Variants in RIMS1 observed in about 807,000 individuals in gnomAD.
RIMS1 encodes the protein regulating synaptic membrane exocytosis protein 1.
Under a neutral mutation model 214.1 loss-of-function variants are expected in RIMS1, and 83 were observed. The observed-to-expected ratio is 0.39, with a 90% confidence interval of 0.32 to 0.47. The LOEUF (loss-of-function observed/expected upper bound fraction) is 0.47, where lower values mean the gene tolerates loss of function less well. Ranked by LOEUF, RIMS1 falls within the 20% of genes least tolerant of loss-of-function variation. The probability of loss-of-function intolerance (pLI) is 0.99; values close to 1 mark genes in which losing one functional copy is unlikely to be tolerated. For missense variants in RIMS1, 2,050 were observed against 2,161.8 expected, an observed-to-expected ratio of 0.95 and a Z score of 1.03; for synonymous variants, 793 against 786.8, an observed-to-expected ratio of 1.01 and a Z score of -0.13.
At chr6:72,258,927 T>A in intron 17 of RIMS1, 59 bp from the exon 18 acceptor site, 3 of 1,534,558 alleles carry the variant, frequency 2.0e-6, no homozygotes, top group Non-Finnish European at 2.7e-6. Flanking sequence ...CTTTAGTCTG[T>A]CTGCCTGTTT....
In RIMS1 at chr6:72,291,951, G is replaced by A. The variant is rs1270038692; in HGVS notation, c.3755G>A (p.Ser1252Asn). 1.9e-5 allele frequency: 29 copies of A among 1,560,202 alleles called. No homozygotes were observed. The highest frequency in any genetic ancestry group is 2.5e-5 in the Non-Finnish European group (29 of 1,152,240). Residue 1252 changes from serine to asparagine, a missense_variant, in exon 26 of 34, where the codon AGT becomes AAT. Ser to Asn is a conservative substitution (Grantham distance 46). Around this residue, in one of 6 missense-constraint regions of RIMS1, gnomAD observed 889 missense variants for 885.5 expected, o/e 1.00. Coordinates refer to ENST00000521978, the MANE Select transcript of RIMS1 (RefSeq NM_014989.7). ...PLLTRMHRQR[S>N]PTQSPPADTS... ...GCCTGCAGAATGCACCGACAGAGAA[G>A]TCCAACACAATCTCCTCCAGCAGAC...
At chr6:72,051,362 GA>G (rs1368578456) in intron 2 of RIMS1, among the ~76,000 whole-genome samples, 5 of 152,184 alleles carry the variant, frequency 3.3e-5, no homozygotes, top group Admixed American at 1.3e-4. Flanking sequence ...TAGTAATAGT[GA>G]ACGTTTACTA....
chr6:72,040,257 A>G (rs1295805438), intron 2 of RIMS1, among the ~76,000 whole-genome samples: 1 of 152,000 alleles, frequency 6.6e-6, no homozygotes, highest in Non-Finnish European at 1.5e-5. Flanking sequence ...ATTCCCCTGG[A>G]AGACTAGTGA....
intron 1 of RIMS1, among the ~76,000 whole-genome samples, chr6:71,916,367 A>G (rs1361610605): frequency 6.6e-6 from 1 of 152,082 alleles, no homozygotes; most frequent in Admixed American, 6.6e-5. Context: ...GCTGTTTCCA[A>G]TGTTACAGAG....
intron 1 of RIMS1, among the ~76,000 whole-genome samples, chr6:71,951,589 C>G (rs1452590026): frequency 6.7e-6 from 1 of 150,160 alleles, no homozygotes; most frequent in African/African-American, 2.5e-5. Context: ...CTTCTGGGCT[C>G]AAAGGATCCT....
intron 1 of RIMS1, among the ~76,000 whole-genome samples, chr6:71,965,028 G>T (rs1794044134): frequency 6.6e-6 from 1 of 152,052 alleles, no homozygotes. Flanking sequence ...TATCTTAACT[G>T]CTCCTAAGGT....
At chr6:71,953,281 G>A (rs1028524019) in intron 1 of RIMS1, among the ~76,000 whole-genome samples, 3 of 152,188 alleles carry the variant, frequency 2.0e-5, no homozygotes, top group East Asian at 3.9e-4. Context: ...GAGCCACCTC[G>A]CCCGGTCAAG....
At chr6:72,041,720 A>G (rs1459919962) in intron 2 of RIMS1, among the ~76,000 whole-genome samples, 1 of 151,918 alleles carries the variant, frequency 6.6e-6, no homozygotes, top group Non-Finnish European at 1.5e-5. Flanking sequence ...GGGAGTATGG[A>G]CCCCTAGCAT....
chr6:71,913,001 T>A (rs1777376174), intron 1 of RIMS1, among the ~76,000 whole-genome samples: 1 of 152,130 alleles, frequency 6.6e-6, no homozygotes, highest in Admixed American at 6.6e-5. Flanking sequence ...AACAATTGAA[T>A]CTAATCAGGT....
intron 2 of RIMS1, among the ~76,000 whole-genome samples, chr6:72,064,683 A>G (rs779801591): frequency 1.3e-4 from 13 of 97,312 alleles, no homozygotes; most frequent in East Asian, 6.1e-4. Flanking sequence ...TTTCATTTCT[A>G]TGATGATGAA....
At position 72,213,127 on chromosome 6, in the gene RIMS1, G is replaced by A. The variant is rs2054139884; in HGVS notation, c.1679-20646G>A. The stretch of plus-strand genomic sequence containing the variant: ...TTTATTTCCAAGTTTGCTGTCATGT[G>A]TGCACCTGGGATTCATGTCTCTTCA... On this transcript the variant is annotated intron_variant, in intron 6 of 33. Coordinates refer to ENST00000521978, the MANE Select transcript of RIMS1 (RefSeq NM_014989.7). 6 of 1,536,992 alleles carry A rather than the reference G, an allele frequency of 3.9e-6. No homozygotes were observed. The East Asian group carries it at 1.5e-4, about 38-fold the overall frequency.
chr6:71,929,059 G>A (rs1057326088), intron 1 of RIMS1, among the ~76,000 whole-genome samples: 1 of 152,074 alleles, frequency 6.6e-6, no homozygotes, highest in African/African-American at 2.4e-5. Context: ...GTTAGTGAAA[G>A]TAAAGAGAGA....
At chr6:72,203,635 A>G (rs1055591825) in intron 6 of RIMS1, among the ~76,000 whole-genome samples, 1 of 152,198 alleles carries the variant, frequency 6.6e-6, no homozygotes, top group Non-Finnish European at 1.5e-5. Context: ...TGTACTTTTA[A>G]AATTATCTGA....
rs1317977735 is a variant in RIMS1 at position 71,995,428 on chromosome 6, G to T, written c.245+26365G>T. ...GCAAGCTGTTCTGTCTCTGGTTTCTGATTATTTTAATCTGTAATATGACGT... is the reference window on the plus strand; with the variant it reads ...GCAAGCTGTTCTGTCTCTGGTTTCTTATTATTTTAATCTGTAATATGACGT... On this transcript the variant is annotated intron_variant, in intron 2 of 33. Transcript: ENST00000521978. 2.7e-5 allele frequency among the ~76,000 whole-genome samples: 4 copies of T among 148,422 alleles called. No homozygotes were observed. In the South Asian group the frequency reaches 8.5e-4, roughly 32 times the overall value.
intron 4 of RIMS1, among the ~76,000 whole-genome samples, chr6:72,114,847 A>G (rs1043735711): frequency 6.6e-6 from 1 of 151,870 alleles, no homozygotes; most frequent in African/African-American, 2.4e-5. Context: ...CAAACCTATG[A>G]TCTCTGGCTT....
intron 6 of RIMS1, among the ~76,000 whole-genome samples, chr6:72,207,989 G>A (rs1242467877): frequency 6.6e-6 from 1 of 152,122 alleles, no homozygotes; most frequent in Non-Finnish European, 1.5e-5. Context: ...ATGGTTGGGG[G>A]CTTGCATTTT....
intron 2 of RIMS1, among the ~76,000 whole-genome samples, chr6:72,064,191 G>A (rs1186013376): frequency 3.3e-5 from 5 of 152,210 alleles, no homozygotes; most frequent in East Asian, 1.9e-4. Flanking sequence ...AGCAGCAGGC[G>A]CCTGTAATCC....
At chr6:72,031,537 C>A (rs1818102905) in intron 2 of RIMS1, among the ~76,000 whole-genome samples, 1 of 152,004 alleles carries the variant, frequency 6.6e-6, no homozygotes, top group Non-Finnish European at 1.5e-5. Flanking sequence ...AACTCAGATT[C>A]TCTTGAATTG....
At chr6:71,952,623 G>A (rs1789988354) in intron 1 of RIMS1, among the ~76,000 whole-genome samples, 1 of 152,204 alleles carries the variant, frequency 6.6e-6, no homozygotes, top group African/African-American at 2.4e-5. Context: ...TGGGCATCAT[G>A]AGAATATGCT....
Sources: allele counts gnomAD v4.1 joint callset (sites outside exome capture counted in the v4.1 genomes callset), GRCh38; gene constraint gnomAD v4.1.1; regional missense constraint gnomAD v4.1.1; transcripts MANE v1.5; gene names NCBI Gene and HGNC (gene_info 2026-07-23, HGNC 2026-07-21).